GUCY1A2: variants seen among roughly 807,000 people sequenced by gnomAD.
GUCY1A2 encodes the protein guanylate cyclase soluble subunit alpha-2.
GUCY1A2 carries 27 observed loss-of-function variants against 63.5 expected under a neutral mutation model. The ratio of observed to expected loss-of-function variants is 0.43; its 90% CI spans 0.31 to 0.59. The LOEUF is 0.59. Among genes scored for constraint, GUCY1A2 ranks in the 20% least tolerant of loss-of-function variants. The pLI is 0.11. For synonymous variants in GUCY1A2, 364 were observed against 343.5 expected (o/e 1.06, Z -0.66); for missense variants, 768 against 913.3 (o/e 0.84, Z 2.05).
At position 106,795,147 on chromosome 11, in the gene GUCY1A2, G is replaced by C. The variant is rs542748932; in HGVS notation, c.1692+14846C>G. ...CAGAAGCTGAACACAGATAAGTTAC[G>C]TGACTTACTCAGTTATGTGACAAAG... is the stretch of plus-strand genomic sequence containing the variant. On this transcript the variant is annotated intron_variant, in intron 5 of 7. Coordinates refer to ENST00000526355, the MANE Select transcript of GUCY1A2 (RefSeq NM_000855.3). Among the ~76,000 whole-genome samples the C allele has an allele frequency of 2.6e-5, 4 of 152,192 alleles. No individual in the cohort carries two copies. The South Asian group carries it at 6.2e-4, about 24-fold the overall frequency.
chr11:106,827,450 T>C, intron 4 of GUCY1A2: 1 of 1,442,266 alleles, frequency 6.9e-7, no homozygotes, highest in Non-Finnish European at 9.8e-7. Context: ...ATCATTATTC[T>C]TTTAGCTTTA....
At chr11:106,905,547 C>A (rs1007098177) in intron 4 of GUCY1A2, among the ~76,000 whole-genome samples, 1 of 152,022 alleles carries the variant, frequency 6.6e-6, no homozygotes, top group South Asian at 2.1e-4. Context: ...CTTTTGGGGG[C>A]AACACAACTC....
At chr11:107,006,745 A>G (rs1323098361) in intron 1 of GUCY1A2, among the ~76,000 whole-genome samples, 3 of 152,192 alleles carry the variant, frequency 2.0e-5, no homozygotes, top group East Asian at 1.9e-4. Context: ...TGTTCACACA[A>G]TCTACAGCAG....
At chr11:106,974,329 A>T (rs936702744) in intron 3 of GUCY1A2, among the ~76,000 whole-genome samples, 2 of 152,146 alleles carry the variant, frequency 1.3e-5, no homozygotes, top group South Asian at 4.1e-4. Context: ...TGTTAAACAT[A>T]TTCTTATCTA....
At chr11:106,827,913 A>G in intron 4 of GUCY1A2, 1 of 1,419,862 alleles carries the variant, frequency 7.0e-7, no homozygotes, top group Non-Finnish European at 9.9e-7. Context: ...CCAGTGGTTT[A>G]CTGAATATCG....
intron 5 of GUCY1A2, among the ~76,000 whole-genome samples, chr11:106,785,366 T>C (rs1864538379): frequency 6.6e-6 from 1 of 152,148 alleles, no homozygotes; most frequent in Non-Finnish European, 1.5e-5. Flanking sequence ...TCAACTTTTC[T>C]TTCCTGATTT....
At position 106,687,746 on chromosome 11, in the gene GUCY1A2, G is replaced by A. The variant is rs529839329; in HGVS notation, c.2002C>T (p.Arg668Ter). The A allele has an allele frequency of 3.1e-6, 5 of 1,604,726 alleles. No homozygotes were observed. Among genetic ancestry groups the A allele is most frequent in the Non-Finnish European group, 4.3e-6 (5 of 1,171,460 alleles). Residue 668 changes from arginine to a stop codon, truncating the protein, a stop_gained, in exon 8 of 8, where the codon CGA (arginine) becomes TGA (stop). Coordinates refer to ENST00000526355, the MANE Select transcript of GUCY1A2 (RefSeq NM_000855.3). LOFTEE classifies it high-confidence loss of function. Reference sequence around the variant, plus strand: ...GGAATGAATGTGAAACTTTCTTCTCGTTTTAATAATCTAAGAAGAAAATAC... The same window carrying A: ...GGAATGAATGTGAAACTTTCTTCTCATTTTAATAATCTAAGAAGAAAATAC... ...VSPTTYQLLKREESFTFIPRS... is the reference protein window; with the variant it reads ...VSPTTYQLLK
chr11:106,806,722 C>T (rs1858692080), intron 5 of GUCY1A2, among the ~76,000 whole-genome samples: 1 of 152,202 alleles, frequency 6.6e-6, no homozygotes. Flanking sequence ...AGTATTCATA[C>T]ACCTGTAACA....
chr11:106,930,745 T>C (rs1860589833), intron 4 of GUCY1A2, among the ~76,000 whole-genome samples: 1 of 152,230 alleles, frequency 6.6e-6, no homozygotes, highest in South Asian at 2.1e-4. Context: ...CCTAGTGTGT[T>C]ATGTTGCCAT....
intron 4 of GUCY1A2, among the ~76,000 whole-genome samples, chr11:106,936,080 C>A (rs1029159540): frequency 2.0e-5 from 3 of 152,134 alleles, no homozygotes; most frequent in Non-Finnish European, 4.4e-5. Flanking sequence ...CACATCATGA[C>A]CTTACCTGGC....
intron 5 of GUCY1A2, among the ~76,000 whole-genome samples, chr11:106,796,059 G>A (rs34948105): frequency 0.069 from 10,536 of 152,106 alleles, 376 homozygotes; most frequent in East Asian, 0.12. Flanking sequence ...TTACCATTAC[G>A]TAATGGCCTT....
chr11:106,935,863 A>G (rs529698971), intron 4 of GUCY1A2, among the ~76,000 whole-genome samples: 1 of 149,654 alleles, frequency 6.7e-6, no homozygotes, highest in African/African-American at 2.5e-5. Context: ...AAAAAAAATT[A>G]AAAAAAAAAT....
At chr11:106,821,687 AAC>A in intron 4 of GUCY1A2, among the ~76,000 whole-genome samples, 1 of 152,192 alleles carries the variant, frequency 6.6e-6, no homozygotes, top group South Asian at 2.1e-4. Context: ...CACAGGAATG[AAC>A]GAAACCTCCT....
At chr11:106,695,817 G>A (rs558376921) in intron 7 of GUCY1A2, among the ~76,000 whole-genome samples, 130 of 152,242 alleles carry the variant, frequency 8.5e-4, no homozygotes, top group Non-Finnish European at 1.5e-3. Context: ...ATGTTTATGC[G>A]TTTTAAGGTT....
intron 3 of GUCY1A2, among the ~76,000 whole-genome samples, chr11:106,973,573 G>A (rs1861224166): frequency 6.6e-6 from 1 of 152,044 alleles, no homozygotes; most frequent in African/African-American, 2.4e-5. Context: ...TAAGAATTCA[G>A]AGAACTGGAA....
At chr11:106,733,498 T>A (rs1863537908) in intron 6 of GUCY1A2, among the ~76,000 whole-genome samples, 1 of 152,144 alleles carries the variant, frequency 6.6e-6, no homozygotes, top group Non-Finnish European at 1.5e-5. Flanking sequence ...ATTTAGTACC[T>A]CTTTAAGAGA....
chr11:106,696,019 G>A (rs1018764798), intron 7 of GUCY1A2, among the ~76,000 whole-genome samples: 1 of 152,102 alleles, frequency 6.6e-6, no homozygotes, highest in South Asian at 2.1e-4. Flanking sequence ...CACCCCAGGA[G>A]TAGGTACTGA....
At chr11:106,997,378 C>A (rs1861553037) in intron 1 of GUCY1A2, among the ~76,000 whole-genome samples, 1 of 152,128 alleles carries the variant, frequency 6.6e-6, no homozygotes, top group Non-Finnish European at 1.5e-5. Flanking sequence ...AGCTGCCTCA[C>A]CCACAGAAGC....
chr11:106,865,387 G>C (rs1189825395), intron 4 of GUCY1A2, among the ~76,000 whole-genome samples: 2 of 151,856 alleles, frequency 1.3e-5, no homozygotes, highest in Non-Finnish European at 2.9e-5. Flanking sequence ...ATCTCCTTCA[G>C]TTCTGCTCTG....
Sources: allele counts gnomAD v4.1 joint callset (sites outside exome capture counted in the v4.1 genomes callset), GRCh38; gene constraint gnomAD v4.1.1; transcripts MANE v1.5; gene names NCBI Gene and HGNC (gene_info 2026-07-23, HGNC 2026-07-21).